The following ASIC2 variants were observed in gnomAD, a reference collection of about 807,000 sequenced individuals.
The protein encoded by ASIC2 is acid-sensing ion channel 2.
ASIC2 carries 25 observed loss-of-function variants against 57.3 expected under a neutral mutation model. The observed-to-expected ratio is 0.44, with a 90% CI of 0.32 to 0.61. The LOEUF (loss-of-function observed/expected upper bound fraction) is 0.61. Ranked by LOEUF, ASIC2 falls within the 20% of genes least tolerant of loss-of-function variation. The probability of loss-of-function intolerance (pLI) is 0.06; values close to 1 mark genes in which losing one functional copy is unlikely to be tolerated. For synonymous variants in ASIC2, 319 were observed against 307.5 expected (o/e 1.04, Z -0.39); for missense variants, 641 against 738.1 (o/e 0.87, Z 1.52).
Position 33,393,938 on chromosome 17 carries a change from A to T in ASIC2, c.556-281871T>A, listed in dbSNP as rs575413835. ...TCCAACACTTCTACTTAGCCATGTA[A>T]TCTTGGGCAAGTTTATTCACCTCTT... is the stretch of plus-strand genomic sequence containing the variant. On this transcript the variant is annotated intron_variant, in intron 1 of 9. Transcript: ENST00000359872. Among the ~76,000 whole-genome samples the T allele has an allele frequency of 2.0e-5, 3 of 152,334 alleles. No individual in the cohort carries two copies. The South Asian group carries it at 6.2e-4, about 32-fold the overall frequency.
At chr17:33,210,068 G>A (rs1907213878) in intron 1 of ASIC2, among the ~76,000 whole-genome samples, 1 of 152,168 alleles carries the variant, frequency 6.6e-6, no homozygotes, top group Non-Finnish European at 1.5e-5. Flanking sequence ...CCCACCCACT[G>A]GGGGTCATTT....
chr17:33,918,684 G>C (rs1296121790), intron 1 of ASIC2, among the ~76,000 whole-genome samples: 1 of 152,176 alleles, frequency 6.6e-6, no homozygotes, highest in Non-Finnish European at 1.5e-5. Flanking sequence ...AAGGAAAAGA[G>C]GGTAGACCTT....
At chr17:33,377,356 G>A (rs541586207) in intron 1 of ASIC2, among the ~76,000 whole-genome samples, 89 of 152,318 alleles carry the variant, frequency 5.8e-4, no homozygotes, top group African/African-American at 2.1e-3. Context: ...CAGCTAGAAA[G>A]TTCTTTATTT....
intron 1 of ASIC2, among the ~76,000 whole-genome samples, chr17:33,996,275 C>T (rs1180913709): frequency 2.6e-5 from 4 of 152,104 alleles, no homozygotes; most frequent in African/African-American, 7.2e-5. Flanking sequence ...GTATGGTTTG[C>T]AAATATTTTA....
At chr17:33,050,679 G>C (rs897346500) in intron 3 of ASIC2, among the ~76,000 whole-genome samples, 2 of 152,280 alleles carry the variant, frequency 1.3e-5, no homozygotes, top group East Asian at 1.9e-4. Flanking sequence ...CAAACTGTTA[G>C]ACCATGAGGA....
intron 1 of ASIC2, among the ~76,000 whole-genome samples, chr17:33,216,586 T>A (rs1162718360): frequency 6.6e-6 from 1 of 152,132 alleles, no homozygotes; most frequent in East Asian, 1.9e-4. Flanking sequence ...GACATTGACA[T>A]TGAGAGCATG....
At chr17:33,696,837 G>T (rs1908543305) in intron 1 of ASIC2, among the ~76,000 whole-genome samples, 1 of 152,174 alleles carries the variant, frequency 6.6e-6, no homozygotes, top group Admixed American at 6.5e-5. Flanking sequence ...CTAAGGAAGA[G>T]AAAATATATT....
intron 1 of ASIC2, among the ~76,000 whole-genome samples, chr17:33,377,241 G>T (rs1909312382): frequency 6.6e-6 from 1 of 152,102 alleles, no homozygotes; most frequent in African/African-American, 2.4e-5. Flanking sequence ...AGTAGAGATG[G>T]GGTTTCACCA....
At chr17:33,826,814 G>A (rs1359132934) in intron 1 of ASIC2, among the ~76,000 whole-genome samples, 1 of 152,166 alleles carries the variant, frequency 6.6e-6, no homozygotes, top group African/African-American at 2.4e-5. Flanking sequence ...CAGACATAGT[G>A]TCTGTCTACC....
At chr17:33,472,068 G>A (rs541635041) in intron 1 of ASIC2, among the ~76,000 whole-genome samples, 42 of 149,342 alleles carry the variant, frequency 2.8e-4, no homozygotes, top group African/African-American at 9.7e-4. Flanking sequence ...CATCCAGGCT[G>A]GAGTGCAATG....
At chr17:33,050,124 A>C (rs2091969667) in intron 3 of ASIC2, among the ~76,000 whole-genome samples, 1 of 152,218 alleles carries the variant, frequency 6.6e-6, no homozygotes, top group African/African-American at 2.4e-5. Context: ...AGGAACTTCA[A>C]CTGAGACGAT....
chr17:33,515,736 C>A (rs551744604), intron 1 of ASIC2, among the ~76,000 whole-genome samples: 1 of 152,220 alleles, frequency 6.6e-6, no homozygotes, highest in Non-Finnish European at 1.5e-5. Flanking sequence ...CCTGAGGCTT[C>A]AATAGTCCCA....
chr17:33,290,734 T>G (rs1260697189), intron 1 of ASIC2: 1 of 152,186 alleles, frequency 6.6e-6, no homozygotes, highest in Non-Finnish European at 1.5e-5. Flanking sequence ...ACTGCTCAGT[T>G]CCGCTGGATG....
At chr17:33,207,170 C>T (rs2142084054) in intron 1 of ASIC2, among the ~76,000 whole-genome samples, 1 of 152,338 alleles carries the variant, frequency 6.6e-6, no homozygotes, top group South Asian at 2.1e-4. Flanking sequence ...CACAATATCC[C>T]CGTCCTTAAG....
intron 1 of ASIC2, among the ~76,000 whole-genome samples, chr17:33,935,256 G>A (rs1386672796): frequency 2.0e-5 from 3 of 152,150 alleles, no homozygotes; most frequent in Non-Finnish European, 4.4e-5. Flanking sequence ...CACCTTTTCT[G>A]TATAACCTCC....
intron 2 of ASIC2, among the ~76,000 whole-genome samples, chr17:33,103,036 G>A (rs951996190): frequency 2.6e-4 from 39 of 152,120 alleles, no homozygotes; most frequent in Non-Finnish European, 4.6e-4. Flanking sequence ...GCCCGCCTTG[G>A]CCTCCCAAAG....
intron 1 of ASIC2, among the ~76,000 whole-genome samples, chr17:33,202,472 T>C (rs971465456): frequency 2.6e-5 from 4 of 152,052 alleles, no homozygotes; most frequent in Non-Finnish European, 5.9e-5. Flanking sequence ...CTCATCCCCC[T>C]AGAGATTGTC....
chr17:33,630,312 G>A (rs182893435), intron 1 of ASIC2, among the ~76,000 whole-genome samples: 2 of 152,230 alleles, frequency 1.3e-5, no homozygotes, highest in East Asian at 3.9e-4. Flanking sequence ...GTAGGTCCTG[G>A]TTCACATGGT....
chr17:33,673,178 G>A (rs541447737), intron 1 of ASIC2, among the ~76,000 whole-genome samples: 9 of 152,308 alleles, frequency 5.9e-5, no homozygotes, highest in African/African-American at 1.9e-4. Flanking sequence ...AGGCGGTGAA[G>A]GTTGAAGGGA....
Sources: allele counts gnomAD v4.1 joint callset (sites outside exome capture counted in the v4.1 genomes callset), GRCh38; gene constraint gnomAD v4.1.1; transcripts MANE v1.5; gene names NCBI Gene and HGNC (gene_info 2026-07-23, HGNC 2026-07-21).